The following EIF4E3 variants were observed in gnomAD, a reference collection of about 807,000 sequenced individuals.
EIF4E3 encodes eukaryotic translation initiation factor 4E type 3.
EIF4E3 carries 26 observed loss-of-function variants against 31.7 expected under a neutral mutation model. The ratio of observed to expected loss-of-function variants is 0.82; its 90% confidence interval spans 0.60 to 1.14. EIF4E3 has a LOEUF of 1.14. EIF4E3 is among the 50% of genes most tolerant of loss of function. The pLI is 0.00. For synonymous variants in EIF4E3, 128 were observed against 107.7 expected (o/e 1.19, Z -1.17); for missense variants, 304 against 270.9 (o/e 1.12, Z -0.86).
chr3:71,712,955 G>A (rs962894851), intron 1 of EIF4E3, among the ~76,000 whole-genome samples: 2 of 151,868 alleles, frequency 1.3e-5, no homozygotes, highest in South Asian at 2.1e-4. Flanking sequence ...TCCAGTGCAG[G>A]AGATAATTGT....
the EIF4E3 span, among the ~76,000 whole-genome samples, chr3:71,668,951 T>C: frequency 6.6e-6 from 1 of 152,158 alleles, no homozygotes; most frequent in Non-Finnish European, 1.5e-5. Flanking sequence ...CACACATATG[T>C]TTATTGCAGC....
At chr3:71,751,028 C>A (rs2049923341) in intron 1 of EIF4E3, among the ~76,000 whole-genome samples, 1 of 151,796 alleles carries the variant, frequency 6.6e-6, no homozygotes, top group African/African-American at 2.4e-5. Flanking sequence ...TCCCAAAGTG[C>A]TGGGATTACA....
chr3:71,745,137 T>G (rs975158934), intron 1 of EIF4E3, among the ~76,000 whole-genome samples: 1 of 152,246 alleles, frequency 6.6e-6, no homozygotes, highest in Non-Finnish European at 1.5e-5. Context: ...CTGCCTTATC[T>G]CTAAGATTTA....
At chr3:71,664,181 T>A in the EIF4E3 span, among the ~76,000 whole-genome samples, 1 of 152,170 alleles carries the variant, frequency 6.6e-6, no homozygotes, top group Non-Finnish European at 1.5e-5. Flanking sequence ...GGCTTCTTGT[T>A]TTATGTTAAT....
intron 6 of EIF4E3, 142 bp downstream of exon 6, chr3:71,689,868 A>AT: frequency 1.3e-6 from 1 of 783,578 alleles, no homozygotes; most frequent in Non-Finnish European, 1.7e-6. Flanking sequence ...AAAAAAAAAA[A>AT]CTTAAATGTA....
intron 1 of EIF4E3, among the ~76,000 whole-genome samples, chr3:71,712,004 C>T (rs2049386770): frequency 2.0e-5 from 3 of 152,120 alleles, no homozygotes; most frequent in African/African-American, 7.2e-5. Context: ...AAATGCAATT[C>T]TGAATACCGC....
rs2048869729 is a variant in EIF4E3 at position 71,675,654 on chromosome 3, C to T, written c.*9028G>A. 1 of 152,186 alleles carries T rather than the reference C, an allele frequency of 6.6e-6. No homozygotes were observed. The highest frequency in any genetic ancestry group is 2.4e-5 in the African/African-American group (1 of 41,452). The allele number at this position is 152,186 out of a possible 1,614,324, so 9.4% of individuals were successfully genotyped here. A position where few individuals can be genotyped will look rare whatever the true frequency, so the allele number is the denominator to read the frequency against. On this transcript the variant is annotated 3_prime_UTR_variant, in exon 7 of 7. Coordinates refer to ENST00000425534, the MANE Select transcript of EIF4E3 (RefSeq NM_001134651.2). ...CTTTGCCACCAACTACTTGTGTGAC[C>T]TTGAACGAATTCTTTATACTTTCTG...
chr3:71,680,221 A>G lies in EIF4E3; in HGVS notation c.*4461T>C, dbSNP rs1379130995. The G allele has an allele frequency of 6.6e-6, 1 of 152,178 alleles. No homozygotes were observed. Among genetic ancestry groups the G allele is most frequent in the East Asian group, 1.9e-4 (1 of 5,194 alleles). The allele number at this position is 152,178 out of a possible 1,614,324, so 9.4% of individuals were successfully genotyped here. A position where few individuals can be genotyped will look rare whatever the true frequency, so the allele number is the denominator to read the frequency against. On this transcript the variant is annotated 3_prime_UTR_variant, in exon 7 of 7. Transcript: ENST00000425534. ...GGTTGGGAGGCTTTCCTCATTTGTC[A>G]TATGTGGGAGTTGGATAAAATCAGG...
chr3:71,754,314 C>T (rs2108174737), upstream of EIF4E3: 1 of 1,160,684 alleles, frequency 8.6e-7, no homozygotes. The surrounding 1 kb of genome is among the most constrained non-coding windows in gnomAD (Gnocchi z 5.8). Context: ...GGCGGGGGCG[C>T]CGCCGGGCGC....
intron 6 of EIF4E3, 144 bp from the exon 7 acceptor site, chr3:71,684,872 TG>T (rs995802905): frequency 1.3e-6 from 1 of 748,732 alleles, no homozygotes; most frequent in African/African-American, 1.8e-5. Flanking sequence ...TTTATTTTTT[TG>T]CCAGTAACTG....
At position 71,675,680 on chromosome 3, in the gene EIF4E3, G is replaced by T. The variant is rs1435724047; in HGVS notation, c.*9002C>A. Reference sequence around the variant, plus strand: ...TTGAACGAATTCTTTATACTTTCTGGGTCATTTCTTCATCTGTAAAATGAA... The same window carrying T: ...TTGAACGAATTCTTTATACTTTCTGTGTCATTTCTTCATCTGTAAAATGAA... On this transcript the variant is annotated 3_prime_UTR_variant, in exon 7 of 7. Coordinates refer to ENST00000425534, the MANE Select transcript of EIF4E3 (RefSeq NM_001134651.2). The T allele has an allele frequency of 3.3e-5, 5 of 152,074 alleles. No individual in the cohort carries two copies. Among genetic ancestry groups the T allele is most frequent in the African/African-American group, 1.2e-4 (5 of 41,400 alleles). The allele number at this position is 152,074 out of a possible 1,614,324, so 9.4% of individuals were successfully genotyped here.
chr3:71,675,391 A>G (rs1160572883), downstream of EIF4E3: 2 of 152,216 alleles, frequency 1.3e-5, no homozygotes, highest in East Asian at 1.9e-4. Flanking sequence ...TGGGCACTCA[A>G]TAAGTGAGAC....
At chr3:71,687,878 A>G (rs1187729596) in intron 6 of EIF4E3, among the ~76,000 whole-genome samples, 3 of 152,216 alleles carry the variant, frequency 2.0e-5, no homozygotes, top group African/African-American at 2.4e-5. Context: ...TACATTGGCC[A>G]TTTCTAACTT....
At chr3:71,694,080 C>T (rs2049101452) in intron 4 of EIF4E3, 139 bp from the exon 5 acceptor site, 2 of 708,746 alleles carry the variant, frequency 2.8e-6, no homozygotes, top group Admixed American at 3.6e-5. Flanking sequence ...CCACAGACAC[C>T]TCCAAATCCT....
At chr3:71,737,730 G>T (rs768713426) in intron 1 of EIF4E3, among the ~76,000 whole-genome samples, 11 of 151,986 alleles carry the variant, frequency 7.2e-5, no homozygotes, top group Non-Finnish European at 1.3e-4. Flanking sequence ...GTTCAAGACC[G>T]GCCTGGGTAG....
chr3:71,754,023 C>A (rs3732739), upstream of EIF4E3: 144,751 of 1,139,578 alleles, frequency 0.13, 10,692 homozygotes, highest in South Asian at 0.35. This position sits in a 1 kb window ranked among gnomAD's most constrained non-coding sequence, Gnocchi z 5.8. Context: ...GGCCCCGGGG[C>A]GGAGCGCACG....
chr3:71,712,711 A>C (rs536606388), intron 1 of EIF4E3, among the ~76,000 whole-genome samples: 7 of 152,154 alleles, frequency 4.6e-5, no homozygotes, highest in Non-Finnish European at 8.8e-5. Flanking sequence ...ACTGTATTTC[A>C]AAAAAATTTT....
At chr3:71,730,936 C>G (rs2049699821) in intron 1 of EIF4E3, among the ~76,000 whole-genome samples, 1 of 152,112 alleles carries the variant, frequency 6.6e-6, no homozygotes, top group Admixed American at 6.6e-5. Context: ...GTTGTTCAGG[C>G]TGGTCTTGAA....
At chr3:71,663,879 A>C in the EIF4E3 span, among the ~76,000 whole-genome samples, 1 of 152,144 alleles carries the variant, frequency 6.6e-6, no homozygotes, top group Non-Finnish European at 1.5e-5. Context: ...GCTATACTTG[A>C]AGGGGTGCAG....
Sources: allele counts gnomAD v4.1 joint callset (sites outside exome capture counted in the v4.1 genomes callset), GRCh38; gene constraint gnomAD v4.1.1; non-coding constraint Gnocchi (gnomAD v3.1); transcripts MANE v1.5; gene names NCBI Gene and HGNC (gene_info 2026-07-23, HGNC 2026-07-21).